TMTC1: variants seen among roughly 807,000 people sequenced by gnomAD.
TMTC1 encodes transmembrane O-mannosyltransferase targeting cadherins 1, also known as protein O-mannosyl-transferase TMTC1.
Under a neutral mutation model 104.8 loss-of-function variants are expected in TMTC1, and 73 were observed. The ratio of observed to expected loss-of-function variants is 0.70; its 90% confidence interval spans 0.58 to 0.85. The LOEUF (loss-of-function observed/expected upper bound fraction) is 0.85, where lower values mean the gene tolerates loss of function less well. Ranked by LOEUF, TMTC1 falls within the 40% of genes least tolerant of loss-of-function variation. The probability of loss-of-function intolerance (pLI) is 0.00; values close to 1 mark genes in which losing one functional copy is unlikely to be tolerated. For synonymous variants in TMTC1, 434 were observed against 428.7 expected (o/e 1.01, Z -0.15); for missense variants, 1,035 against 1,096.1 (o/e 0.94, Z 0.79).
chr12:29,658,106 C>A lies in TMTC1; in HGVS notation c.939-24770G>T, dbSNP rs373114111. On this transcript the variant is annotated intron_variant, in intron 5 of 17. Coordinates refer to ENST00000539277, the MANE Select transcript of TMTC1 (RefSeq NM_001193451.2). ...AGACTCCATGTCAAAAAAACAAAAACAAAAACAAAAAACAAAAAACGAAAT... is the reference window on the plus strand; with the variant it reads ...AGACTCCATGTCAAAAAAACAAAAAAAAAAACAAAAAACAAAAAACGAAAT... Among the ~76,000 whole-genome samples, 122 of 151,754 alleles carry A rather than the reference C, an allele frequency of 8.0e-4. 2 individuals are homozygous for A. The East Asian group carries it at 0.021, about 27-fold the overall frequency.
rs570311022 is a variant in TMTC1 at position 29,532,909 on chromosome 12, A to G, written c.1785+3300T>C. 7.4e-4 allele frequency: 112 copies of G among 151,922 alleles called. 1 individual carries two copies. The highest frequency in any genetic ancestry group is 2.5e-3 in the African/African-American group (104 of 41,452). 9.4% of individuals were successfully genotyped at this position (151,922 alleles called of 1,614,324 possible). On this transcript the variant is annotated intron_variant, in intron 11 of 17. Coordinates refer to ENST00000539277, the MANE Select transcript of TMTC1 (RefSeq NM_001193451.2). Reference sequence around the variant, plus strand: ...TCTGACCTGGAGTTCTTAATTTTCTATTTTTCTTTTCCATTCAACCTTTAC... The same window carrying G: ...TCTGACCTGGAGTTCTTAATTTTCTGTTTTTCTTTTCCATTCAACCTTTAC...
chr12:29,691,554 C>T (rs1215584793), intron 5 of TMTC1, among the ~76,000 whole-genome samples: 2 of 122,168 alleles, frequency 1.6e-5, no homozygotes, highest in Admixed American at 8.8e-5. Context: ...AGGTGAAACC[C>T]GTTGGGTGGT....
At chr12:29,741,930 T>C (rs1475701158) in intron 5 of TMTC1, among the ~76,000 whole-genome samples, 2 of 152,192 alleles carry the variant, frequency 1.3e-5, no homozygotes, top group Non-Finnish European at 2.9e-5. Context: ...CCTGACTGCA[T>C]GACAAGCCAA....
At chr12:29,545,629 TCA>T (rs55958433) in intron 10 of TMTC1, among the ~76,000 whole-genome samples, 13,780 of 73,386 alleles carry the variant, frequency 0.19, 789 homozygotes, top group East Asian at 0.27. Flanking sequence ...CAAGACTCTG[TCA>T]CACACACACA....
chr12:29,530,731 A>C (rs572698337), intron 11 of TMTC1, among the ~76,000 whole-genome samples: 2 of 152,184 alleles, frequency 1.3e-5, no homozygotes, highest in African/African-American at 4.8e-5. Context: ...GCCAGCCTGC[A>C]GGCTACAACC....
At chr12:29,595,386 T>C (rs968548513) in intron 7 of TMTC1, among the ~76,000 whole-genome samples, 1 of 152,214 alleles carries the variant, frequency 6.6e-6, no homozygotes, top group African/African-American at 2.4e-5. Flanking sequence ...CATTGCTCTG[T>C]TCTAATATTG....
intron 11 of TMTC1, chr12:29,529,744 C>T (rs1944448490): frequency 1.3e-5 from 2 of 152,258 alleles, no homozygotes; most frequent in South Asian, 4.1e-4. Flanking sequence ...GAGAAACATG[C>T]TATCAATATT....
At chr12:29,518,805 A>C (rs1390144877) in intron 12 of TMTC1, among the ~76,000 whole-genome samples, 198 bp from the exon 13 acceptor site, 1 of 152,252 alleles carries the variant, frequency 6.6e-6, no homozygotes, top group African/African-American at 2.4e-5. Context: ...CTGTTCATTC[A>C]TACTTCCAAA....
chr12:29,597,075 C>A (rs1010533946), intron 7 of TMTC1, among the ~76,000 whole-genome samples: 9 of 152,164 alleles, frequency 5.9e-5, no homozygotes, highest in African/African-American at 1.7e-4. Context: ...CCTCTCTTGG[C>A]AAGCCATCCG....
intron 9 of TMTC1, among the ~76,000 whole-genome samples, chr12:29,562,145 A>G (rs1945392600): frequency 6.6e-6 from 1 of 152,214 alleles, no homozygotes; most frequent in African/African-American, 2.4e-5. Flanking sequence ...TCATTTTATT[A>G]GTCTGCTTGT....
At chr12:29,618,863 A>G (rs1233811880) in intron 6 of TMTC1, among the ~76,000 whole-genome samples, 1 of 152,248 alleles carries the variant, frequency 6.6e-6, no homozygotes, top group Non-Finnish European at 1.5e-5. Context: ...GAACGGTTCT[A>G]GATGTTACAA....
intron 9 of TMTC1, among the ~76,000 whole-genome samples, chr12:29,567,888 G>T (rs1024269468): frequency 6.6e-6 from 1 of 152,164 alleles, no homozygotes; most frequent in African/African-American, 2.4e-5. Context: ...TAATAAAGTA[G>T]TCTTACTGAT....
intron 5 of TMTC1, among the ~76,000 whole-genome samples, chr12:29,750,027 A>G (rs1943050254): frequency 6.6e-6 from 1 of 151,266 alleles, no homozygotes; most frequent in African/African-American, 2.4e-5. Flanking sequence ...GGCCAGAGGG[A>G]ACGTTTTTAA....
At chr12:29,685,243 C>T (rs1941055108) in intron 5 of TMTC1, among the ~76,000 whole-genome samples, 1 of 151,778 alleles carries the variant, frequency 6.6e-6, no homozygotes, top group Admixed American at 6.6e-5. Context: ...TTCCCAGGCA[C>T]AGTACAAAAC....
chr12:29,660,920 G>A (rs2136641962), intron 5 of TMTC1: 1 of 1,318,152 alleles, frequency 7.6e-7, no homozygotes, highest in South Asian at 1.4e-5. Flanking sequence ...TTAGATAAGT[G>A]TGTCTACCAG....
chr12:29,587,632 T>G (rs975780043), intron 7 of TMTC1, among the ~76,000 whole-genome samples: 3 of 152,134 alleles, frequency 2.0e-5, no homozygotes. Flanking sequence ...CCAAAATTGA[T>G]AACTACAAAT....
chr12:29,596,826 C>T (rs1421813192), intron 7 of TMTC1, among the ~76,000 whole-genome samples: 2 of 152,338 alleles, frequency 1.3e-5, no homozygotes, highest in African/African-American at 2.4e-5. Context: ...AGGCTTTCTA[C>T]TATTCTTGTG....
chr12:29,535,748 T>C (rs1173464068), intron 11 of TMTC1: 1 of 158,580 alleles, frequency 6.3e-6, no homozygotes, highest in Non-Finnish European at 1.4e-5. Flanking sequence ...TGAAAACTCA[T>C]CTCTGTTTTA....
rs149069551 is a variant in TMTC1, at chr12:29,541,926, G to C, written c.1677-5609C>G. ...CCTGCCTCGGCCTCCCAAAGTACTG[G>C]GATTACAGGCATGAGCCACCTCACC... On this transcript the variant is annotated intron_variant, in intron 10 of 17. Transcript: ENST00000539277. Among the ~76,000 whole-genome samples the C allele has an allele frequency of 9.2e-4, 140 of 152,054 alleles. 1 individual carries two copies. Among genetic ancestry groups the C allele is most frequent in the Admixed American group, 1.3e-3 (20 of 15,272 alleles).
Sources: gnomAD v4.1 joint callset for allele counts (sites outside exome capture counted in the v4.1 genomes callset) on GRCh38, gnomAD v4.1.1 for gene constraint, MANE v1.5 for transcripts, NCBI Gene and HGNC (gene_info 2026-07-23, HGNC 2026-07-21) for gene names.